SH2B2: variants seen among roughly 807,000 people sequenced by gnomAD.
The protein encoded by SH2B2 is SH2B adapter protein 2.
In SH2B2, 37 loss-of-function variants were observed where a neutral mutation model predicts 35.7. That is an observed-to-expected ratio of 1.04 (90% CI 0.80 to 1.36). SH2B2 has a LOEUF of 1.36. Among genes scored for constraint, SH2B2 ranks in the 40% most tolerant of loss-of-function variants. The pLI is 0.00. For synonymous variants in SH2B2, 383 were observed against 376.4 expected, an observed-to-expected ratio of 1.02 and a Z score of -0.20; for missense variants, 852 against 817.7, an observed-to-expected ratio of 1.04 and a Z score of -0.51.
At chr7:102,292,903 C>T (rs2132909963) in intron 1 of SH2B2, among the ~76,000 whole-genome samples, 1 of 152,224 alleles carries the variant, frequency 6.6e-6, no homozygotes, top group East Asian at 1.9e-4. Flanking sequence ...TGGGGCGCAG[C>T]CTTTTGAGGT....
intron 1 of SH2B2, among the ~76,000 whole-genome samples, chr7:102,300,018 A>G (rs1793081242): frequency 1.3e-5 from 2 of 152,164 alleles, no homozygotes; most frequent in Admixed American, 6.5e-5. Context: ...CCTGGGTTCA[A>G]GTGATTTTCC....
intron 5 of SH2B2, 25 bp from the exon 6 acceptor site, chr7:102,314,487 T>C: frequency 2.5e-6 from 1 of 398,656 alleles, no homozygotes. Context: ...TAAAGATACG[T>C]GCATCTTACC....
intron 6 of SH2B2, among the ~76,000 whole-genome samples, chr7:102,315,758 A>AAAAAAG (rs1793805030): frequency 5.4e-5 from 8 of 148,200 alleles, no homozygotes; most frequent in African/African-American, 2.0e-4. Flanking sequence ...AAAAAAAAAA[A>AAAAAAG]AAAAGAAAAG....
intron 2 of SH2B2, among the ~76,000 whole-genome samples, chr7:102,304,938 C>T (rs1388284286): frequency 3.3e-5 from 5 of 152,010 alleles, no homozygotes; most frequent in Admixed American, 2.6e-4. Flanking sequence ...AGTTCCTGTC[C>T]TGGAGACAGC....
chr7:102,321,597 G>A lies in SH2B2; in HGVS notation c.1866G>A (p.Ala622=). ...CCCCGGAGGCCGCGCCCGGCCGCGCGCGCGCCGTGGAGAACCAGTACTCCT... is the reference window on the plus strand; with the variant it reads ...CCCCGGAGGCCGCGCCCGGCCGCGCACGCGCCGTGGAGAACCAGTACTCCT... ...EEPPEAAPGR[A]RAVENQYSFY is the part of the protein sequence containing the mutation. The change falls in exon 9 of 9, where the codon GCG becomes GCA. Residue 622 remains alanine, a synonymous_variant. Coordinates refer to ENST00000444095, the MANE Select transcript of SH2B2 (RefSeq NM_001359228.2). 1 of 1,158,430 alleles carries A rather than the reference G, an allele frequency of 8.6e-7. No homozygotes were observed. Among genetic ancestry groups the A allele is most frequent in the Admixed American group, 4.8e-5 (1 of 20,862 alleles). The allele number at this position is 1,158,430 out of a possible 1,614,324, so 71.8% of individuals were successfully genotyped here.
intron 1 of SH2B2, among the ~76,000 whole-genome samples, chr7:102,292,110 G>C (rs1305189539): frequency 6.6e-6 from 1 of 152,180 alleles, no homozygotes; most frequent in Non-Finnish European, 1.5e-5. Context: ...CAGGTTTTCT[G>C]AGGATGGTGG....
At chr7:102,295,088 T>C (rs1792850027) in intron 1 of SH2B2, among the ~76,000 whole-genome samples, 1 of 152,166 alleles carries the variant, frequency 6.6e-6, no homozygotes, top group Non-Finnish European at 1.5e-5. Context: ...CCCAGGGCCC[T>C]GTCCCCCATC....
rs1173848324 is a variant in SH2B2, at chr7:102,314,410, G to T, written c.998G>T (p.Cys333Phe). 1.3e-5 allele frequency: 5 copies of T among 398,758 alleles called. No individual in the cohort carries two copies. Among genetic ancestry groups the T allele is most frequent in the Non-Finnish European group, 2.2e-5 (5 of 226,278 alleles). The allele number at this position is 398,758 out of a possible 1,614,324, so 24.7% of individuals were successfully genotyped here. A position where few individuals can be genotyped will look rare whatever the true frequency, so the allele number is the denominator to read the frequency against. ...CLASRVASCS[C>F]ELLTDAVDLP... ...GCCAGCCGCGTGGCCTCCTGCAGCT[G>T]TGAGCTCCTGACTGATGGTAGGTAG... is the stretch of plus-strand genomic sequence containing the variant. The change falls in exon 5 of 9, where the codon TGT (cysteine) becomes TTT (phenylalanine). Residue 333 changes from cysteine to phenylalanine, a missense_variant. Cys to Phe is a radical substitution (Grantham distance 205, BLOSUM62 -2). Around this residue, in one of 3 missense-constraint regions of SH2B2, gnomAD observed 556 missense variants for 514.5 expected, o/e 1.08. Coordinates refer to ENST00000444095, the MANE Select transcript of SH2B2 (RefSeq NM_001359228.2).
At chr7:102,312,451 T>C (rs947977255) in intron 4 of SH2B2, among the ~76,000 whole-genome samples, 5 of 152,026 alleles carry the variant, frequency 3.3e-5, no homozygotes, top group African/African-American at 1.2e-4. Context: ...AGAAAGAGGA[T>C]TGGATACAAA....
chr7:102,299,581 C>T (rs1380781579), intron 1 of SH2B2, among the ~76,000 whole-genome samples: 1 of 152,180 alleles, frequency 6.6e-6, no homozygotes, highest in Non-Finnish European at 1.5e-5. Flanking sequence ...GACCATAAAG[C>T]AGCTGCTGGA....
chr7:102,320,211 G>T, intron 7 of SH2B2, 120 bp from the exon 8 acceptor site: 2 of 827,712 alleles, frequency 2.4e-6, no homozygotes, highest in Non-Finnish European at 3.8e-6. Context: ...AGGGGCCCCC[G>T]GCCCTGACAC....
chr7:102,285,345 C>A, upstream of SH2B2: 1 of 944,968 alleles, frequency 1.1e-6, no homozygotes, highest in Non-Finnish European at 1.7e-6. Context: ...CTTTCTCCCA[C>A]TCTCGGGCAC....
At chr7:102,303,713 CG>C (rs1462369839) in intron 2 of SH2B2, among the ~76,000 whole-genome samples, 1 of 152,200 alleles carries the variant, frequency 6.6e-6, no homozygotes, top group Non-Finnish European at 1.5e-5. Flanking sequence ...GGCCCAGTGA[CG>C]GGTGGGGTGG....
chr7:102,319,580 C>A (rs148692212), intron 7 of SH2B2, among the ~76,000 whole-genome samples: 141 of 152,294 alleles, frequency 9.3e-4, no homozygotes, highest in African/African-American at 3.0e-3. Context: ...CCAGCTCCCC[C>A]TCCTGGGCTT....
intron 1 of SH2B2, 45 bp downstream of exon 1, chr7:102,287,139 C>T (rs1792487511): frequency 1.3e-5 from 2 of 152,300 alleles, no homozygotes; most frequent in East Asian, 1.9e-4. Flanking sequence ...GGTCCTTCCC[C>T]CGGGACCCCT....
chr7:102,308,767 G>T (rs375903345), intron 3 of SH2B2, 48 bp from the exon 4 acceptor site: 527 of 1,390,472 alleles, frequency 3.8e-4, no homozygotes, highest in Non-Finnish European at 5.1e-4. Flanking sequence ...GTGGTCTGGA[G>T]CCCATCTGCT....
Position 102,317,406 on chromosome 7 carries a change from G to A in SH2B2, c.1395+11G>A. The A allele has an allele frequency of 6.4e-7, 1 of 1,554,742 alleles. No homozygotes were observed. The highest frequency in any genetic ancestry group is 8.7e-7 in the Non-Finnish European group (1 of 1,142,982). ...CAGGGCAAGGCCAAGGCAAGTGTGT[G>A]GGGGGCGCCATGGGGGTGCAGTGGC... On this transcript the variant is annotated intron_variant, in intron 7 of 8. Coordinates refer to ENST00000444095, the MANE Select transcript of SH2B2 (RefSeq NM_001359228.2).
intron 7 of SH2B2, among the ~76,000 whole-genome samples, chr7:102,319,165 A>G (rs915037420): frequency 6.6e-5 from 10 of 152,184 alleles, no homozygotes; most frequent in Admixed American, 6.5e-4. Context: ...TTCCACCTTC[A>G]CAGAATAAAT....
intron 1 of SH2B2, among the ~76,000 whole-genome samples, chr7:102,292,161 G>A (rs1792696767): frequency 6.6e-6 from 1 of 152,126 alleles, no homozygotes; most frequent in South Asian, 2.1e-4. Context: ...GTCAGGCAAG[G>A]AGGTACCCCA....
Sources: allele counts gnomAD v4.1 joint callset (sites outside exome capture counted in the v4.1 genomes callset), GRCh38; gene constraint gnomAD v4.1.1; regional missense constraint gnomAD v4.1.1; transcripts MANE v1.5; gene names NCBI Gene and HGNC (gene_info 2026-07-23, HGNC 2026-07-21).